Variants in TG observed in about 807,000 individuals in gnomAD.
TG encodes thyroid hormones.
In TG, 270 loss-of-function variants were observed where a neutral mutation model predicts 324.7. The ratio of observed to expected loss-of-function variants is 0.83; its 90% CI spans 0.75 to 0.92. The LOEUF is 0.92. Among genes scored for constraint, TG ranks in the 40% least tolerant of loss-of-function variants. The probability of loss-of-function intolerance (pLI) is 0.00; values close to 1 mark genes in which losing one functional copy is unlikely to be tolerated. For synonymous variants in TG, 1,401 were observed against 1,327.0 expected, an observed-to-expected ratio of 1.06 and a Z score of -1.21; for missense variants, 3,591 against 3,456.4, an observed-to-expected ratio of 1.04 and a Z score of -0.98.
At chr8:133,059,316 T>A in intron 41 of TG, 1 of 360,632 alleles carries the variant, frequency 2.8e-6, no homozygotes, top group East Asian at 7.4e-5. Context: ...ATGAGAATTA[T>A]GGACTAGGAA....
intron 45 of TG, among the ~76,000 whole-genome samples, chr8:133,130,904 G>A (rs1217818854): frequency 1.3e-5 from 2 of 152,098 alleles, no homozygotes; most frequent in Non-Finnish European, 2.9e-5. Flanking sequence ...GAGAAAGTCG[G>A]CCAGACATCA....
intron 27 of TG, among the ~76,000 whole-genome samples, chr8:132,957,660 G>A (rs1247666621): frequency 6.6e-6 from 1 of 151,542 alleles, no homozygotes; most frequent in South Asian, 2.1e-4. Context: ...CTCTTAGGAA[G>A]GGGCAGGCGT....
intron 4 of TG, among the ~76,000 whole-genome samples, 186 bp from the exon 5 acceptor site, chr8:132,872,876 C>T (rs1442980189): frequency 6.6e-6 from 1 of 152,162 alleles, no homozygotes; most frequent in Non-Finnish European, 1.5e-5. Flanking sequence ...CCCAGGTGTG[C>T]TGTAGGCAAA....
intron 35 of TG, among the ~76,000 whole-genome samples, chr8:133,009,802 C>A (rs1834342977): frequency 6.6e-6 from 1 of 151,782 alleles, no homozygotes; most frequent in African/African-American, 2.4e-5. Context: ...CCACCAAGAA[C>A]CCAATCATGT....
intron 16 of TG, among the ~76,000 whole-genome samples, chr8:132,904,606 A>G (rs907991886): frequency 1.3e-5 from 2 of 152,172 alleles, no homozygotes; most frequent in African/African-American, 4.8e-5. Context: ...GTGGGAAAAC[A>G]GGTCTGCTAG....
chr8:132,954,910 C>T (rs1826625197), intron 27 of TG, among the ~76,000 whole-genome samples: 1 of 152,180 alleles, frequency 6.6e-6, no homozygotes, highest in Non-Finnish European at 1.5e-5. Context: ...ATGTAGAGAT[C>T]CTGATATCTG....
chr8:133,133,479 C>T lies in TG; in HGVS notation c.8007C>T (p.Asn2669=). The change falls in exon 47 of 48, where the codon AAC becomes AAT. Residue 2669 remains asparagine (N), a synonymous_variant. Coordinates refer to ENST00000220616, the MANE Select transcript of TG (RefSeq NM_003235.5). ...FSHFIRSGNP[N]YPYEFSRKVP... ...CTTCTCATTTGCCCAGAAATCCCAA[C>T]TACCCTTATGAGTTCTCACGGAAAG... 6.2e-7 allele frequency: 1 copy of T among 1,614,206 alleles called. No homozygotes were observed. Among genetic ancestry groups the T allele is most frequent in the Non-Finnish European group, 8.5e-7 (1 of 1,180,012 alleles).
Position 132,868,191 on chromosome 8 carries a change from C to T in TG, c.144C>T (p.Tyr48=), listed in dbSNP as rs114436500. ...RETAFLKQAD[Y]VPQCAEDGSF... Reference sequence around the variant, plus strand: ...CGGCCTTTCTGAAGCAAGCAGACTACGTGCCCCAGTGTGCAGAGGATGGCA... The same window carrying T: ...CGGCCTTTCTGAAGCAAGCAGACTATGTGCCCCAGTGTGCAGAGGATGGCA... The change falls in exon 2 of 48, where the codon TAC becomes TAT. Residue 48 remains tyrosine, a synonymous_variant. Coordinates refer to ENST00000220616, the MANE Select transcript of TG (RefSeq NM_003235.5). 6,044 of 1,614,124 alleles carry T rather than the reference C, an allele frequency of 3.7e-3. 17 individuals carry two copies. Among genetic ancestry groups the T allele is most frequent in the Middle Eastern group, 0.02 (122 of 6,060 alleles).
At chr8:132,936,600 G>C (rs371805979) in intron 25 of TG, among the ~76,000 whole-genome samples, 29 of 152,148 alleles carry the variant, frequency 1.9e-4, no homozygotes, top group Admixed American at 7.2e-4. Context: ...TTGGAGAAAG[G>C]CACAAAGGGG....
chr8:132,887,934 A>C (rs1342152045), intron 9 of TG, 50 bp from the exon 10 acceptor site: 1 of 1,530,120 alleles, frequency 6.5e-7, no homozygotes, highest in Admixed American at 1.9e-5. Flanking sequence ...TGGTCTTTCC[A>C]GTTTGTTAAA....
chr8:133,042,351 G>A (rs998910909), intron 41 of TG, among the ~76,000 whole-genome samples: 61 of 152,028 alleles, frequency 4.0e-4, no homozygotes, highest in African/African-American at 1.4e-3. Context: ...TATATTGAAG[G>A]GTTCCTAGAC....
intron 40 of TG, among the ~76,000 whole-genome samples, chr8:133,029,202 A>G (rs1160514941): frequency 6.6e-6 from 1 of 151,888 alleles, no homozygotes; most frequent in Admixed American, 6.6e-5. Flanking sequence ...TATTTTTGCT[A>G]TACTTGTTTG....
intron 32 of TG, among the ~76,000 whole-genome samples, chr8:132,970,465 CT>C: frequency 6.6e-6 from 1 of 152,132 alleles, no homozygotes; most frequent in Non-Finnish European, 1.5e-5. Context: ...AGAATCTGAC[CT>C]TTAAGGAAGC....
chr8:133,037,076 T>G (rs1269473584), intron 41 of TG: 1 of 152,184 alleles, frequency 6.6e-6, no homozygotes, highest in African/African-American at 2.4e-5. Context: ...CACATACACA[T>G]ACCAGTAGCA....
chr8:132,873,231 G>A lies in TG; in HGVS notation c.638+10G>A. On this transcript the variant is annotated intron_variant, in intron 5 of 47. Transcript: ENST00000220616. The stretch of plus-strand genomic sequence containing the variant: ...TCCACAGCTACAACAGGTAAGGGGA[G>A]CAGGGGTGTGCCAGTCACTGGGCCA... 6.2e-7 allele frequency: 1 copy of A among 1,613,904 alleles called. No homozygotes were observed. The highest frequency in any genetic ancestry group is 8.5e-7 in the Non-Finnish European group (1 of 1,179,930).
At chr8:132,894,033 C>A in intron 11 of TG, 104 bp downstream of exon 11, 1 of 1,578,356 alleles carries the variant, frequency 6.3e-7, no homozygotes. Flanking sequence ...GTTTGGCTTC[C>A]CCAGACTGAT....
At chr8:133,001,244 C>G (rs923304160) in intron 35 of TG, among the ~76,000 whole-genome samples, 1 of 152,180 alleles carries the variant, frequency 6.6e-6, no homozygotes, top group Admixed American at 6.5e-5. Flanking sequence ...CAGTTCAACC[C>G]ATGACACCTA....
At chr8:133,076,759 TAAAAAAAAAA>T (rs35056813) in intron 41 of TG, 27 of 128,464 alleles carry the variant, frequency 2.1e-4, no homozygotes, top group Non-Finnish European at 3.7e-4. Context: ...GATTTAGCTG[TAAAAAAAAAA>T]AAAAAAAAAA....
intron 25 of TG, among the ~76,000 whole-genome samples, chr8:132,937,692 T>C (rs1222345818): frequency 6.6e-6 from 1 of 152,210 alleles, no homozygotes; most frequent in Non-Finnish European, 1.5e-5. Context: ...ACCCAAAATG[T>C]CCTTTAAAAT....
Sources: allele counts gnomAD v4.1 joint callset (sites outside exome capture counted in the v4.1 genomes callset), GRCh38; gene constraint gnomAD v4.1.1; transcripts MANE v1.5; gene names NCBI Gene and HGNC (gene_info 2026-07-23, HGNC 2026-07-21).